Variants in SEC23B observed in about 807,000 individuals in gnomAD.
SEC23B encodes the protein protein transport protein Sec23B.
A neutral mutation model predicts 104.3 loss-of-function variants in SEC23B; 77 were observed. The observed-to-expected ratio is 0.74, with a 90% CI of 0.61 to 0.89. The LOEUF (loss-of-function observed/expected upper bound fraction) is 0.89. Among genes scored for constraint, SEC23B ranks in the 40% least tolerant of loss-of-function variants. The pLI is 0.00. For missense variants in SEC23B, 885 were observed against 949.4 expected (o/e 0.93, Z 0.89); for synonymous variants, 338 against 332.5 (o/e 1.02, Z -0.18).
At chr20:18,525,228 G>T (rs1278538948) in intron 6 of SEC23B, among the ~76,000 whole-genome samples, 19 of 152,130 alleles carry the variant, frequency 1.2e-4, no homozygotes, top group Admixed American at 1.2e-3. Flanking sequence ...CACATCTGAT[G>T]TCCTTTTTGA....
intron 4 of SEC23B, among the ~76,000 whole-genome samples, chr20:18,521,718 G>C (rs1187090810): frequency 6.6e-6 from 1 of 152,098 alleles, no homozygotes; most frequent in Non-Finnish European, 1.5e-5. Context: ...GGAGAGGTCA[G>C]ATGAGTCCGT....
chr20:18,508,168 G>C (rs1160037454), intron 1 of SEC23B, 196 bp downstream of exon 1: 2 of 152,220 alleles, frequency 1.3e-5, no homozygotes, highest in African/African-American at 4.8e-5. Context: ...CCGATTTCTG[G>C]CTCCAGTTTC....
At position 18,532,750 on chromosome 20, in the gene SEC23B, G is replaced by A; in HGVS notation, c.1314+6G>A. 1.2e-6 allele frequency: 2 copies of A among 1,605,836 alleles called. No individual in the cohort carries two copies. The highest frequency in any genetic ancestry group is 1.7e-6 in the Non-Finnish European group (2 of 1,172,316). On this transcript the variant is annotated splice_donor_region_variant and intron_variant, in intron 11 of 19. Transcript: ENST00000650089. ...GACCGTGTGTGTCAGAAAATGTAAG[G>A]AAAACAACTCCATCACCCTCACCTC...
chr20:18,559,580 C>A (rs1025783992), intron 19 of SEC23B, among the ~76,000 whole-genome samples: 1 of 152,132 alleles, frequency 6.6e-6, no homozygotes, highest in Non-Finnish European at 1.5e-5. Flanking sequence ...TTTTTCCTCT[C>A]ATTTTTGCCC....
At chr20:18,545,626 A>G (rs2060325007) in intron 14 of SEC23B, among the ~76,000 whole-genome samples, 1 of 152,188 alleles carries the variant, frequency 6.6e-6, no homozygotes, top group Non-Finnish European at 1.5e-5. Context: ...GTTAGTTTTC[A>G]TGGTGTTAGA....
chr20:18,521,213 CTAT>C (rs1568602704), intron 4 of SEC23B, among the ~76,000 whole-genome samples: 1 of 152,036 alleles, frequency 6.6e-6, no homozygotes, highest in Non-Finnish European at 1.5e-5. Context: ...TGCCTCTACT[CTAT>C]TATTGTACAC....
At chr20:18,549,407 A>G (rs1212044075) in intron 16 of SEC23B, among the ~76,000 whole-genome samples, 1 of 152,256 alleles carries the variant, frequency 6.6e-6, no homozygotes, top group Non-Finnish European at 1.5e-5. Flanking sequence ...GGTTTAGGGA[A>G]TAATGACAAG....
intron 1 of SEC23B, chr20:18,508,447 A>C (rs2059951005): frequency 6.6e-6 from 1 of 152,148 alleles, no homozygotes. Context: ...TCATTCATTC[A>C]CTAATTCATA....
chr20:18,523,466 G>A (rs1451315632), intron 4 of SEC23B, among the ~76,000 whole-genome samples: 5 of 138,734 alleles, frequency 3.6e-5, no homozygotes, highest in African/African-American at 5.3e-5. Flanking sequence ...GCAATGGCAC[G>A]ATCTCAGCTC....
intron 4 of SEC23B, among the ~76,000 whole-genome samples, chr20:18,522,854 G>A (rs945390611): frequency 4.6e-5 from 7 of 151,840 alleles, no homozygotes; most frequent in East Asian, 1.9e-4. Flanking sequence ...TCAGGAGATC[G>A]AAACCATCCT....
chr20:18,551,600 T>C (rs1600277103), intron 17 of SEC23B, among the ~76,000 whole-genome samples: 1 of 151,884 alleles, frequency 6.6e-6, no homozygotes, highest in South Asian at 2.1e-4. Context: ...TGTAGTCCCA[T>C]CTACTTGGGA....
rs140858912 is a variant in SEC23B at position 18,518,041 on chromosome 20, C to CA, written c.366+2306dup. On this transcript the variant is annotated intron_variant, in intron 4 of 19. Transcript: ENST00000650089. ...TTGGTGAGGTGTGTTTTTAAAAGAC[C>CA]ATTAGTTTGTCCTACCGTTCCTGAA... Among the ~76,000 whole-genome samples the CA allele has an allele frequency of 3.1e-3, 465 of 152,174 alleles. 3 individuals are homozygous for CA. The highest frequency in any genetic ancestry group is 0.011 in the African/African-American group (448 of 41,516).
intron 17 of SEC23B, among the ~76,000 whole-genome samples, chr20:18,552,589 G>A (rs1013925266): frequency 6.6e-6 from 1 of 152,250 alleles, no homozygotes; most frequent in South Asian, 2.1e-4. Context: ...CGAGGTGGGC[G>A]GATCATCTGA....
intron 2 of SEC23B, among the ~76,000 whole-genome samples, 176 bp downstream of exon 2, chr20:18,511,232 T>G (rs1217034257): frequency 6.6e-6 from 1 of 152,110 alleles, no homozygotes; most frequent in African/African-American, 2.4e-5. Flanking sequence ...TTTGTAGAAA[T>G]CTCCCTGGCC....
rs900250112 is a variant in SEC23B at position 18,535,679 on chromosome 20, G to A, written c.1341G>A (p.Gln447=). Residue 447 remains glutamine (Q), a synonymous_variant, in exon 12 of 20, where the codon CAG becomes CAA. Transcript: ENST00000650089. ...AGCTTGGTGTTGGTGGCACGAGTCA[G>A]TGGAAAATCTGTGGCCTAGATCCTA... ...ENELGVGGTS[Q]WKICGLDPTS... is the part of the protein sequence containing the mutation. 4 of 1,613,750 alleles carry A rather than the reference G, an allele frequency of 2.5e-6. No individual in the cohort carries two copies. The highest frequency in any genetic ancestry group is 1.6e-4 in the Middle Eastern group (1 of 6,062).
chr20:18,536,729 C>T (rs2060235188), intron 12 of SEC23B, among the ~76,000 whole-genome samples: 1 of 152,062 alleles, frequency 6.6e-6, no homozygotes, highest in South Asian at 2.1e-4. Flanking sequence ...TTTAACTCCC[C>T]CAAAACTTAA....
At chr20:18,517,199 A>G (rs910114538) in intron 4 of SEC23B, among the ~76,000 whole-genome samples, 7 of 152,228 alleles carry the variant, frequency 4.6e-5, no homozygotes, top group African/African-American at 1.7e-4. Context: ...ACCTGGGTGC[A>G]GGCAGGCTGA....
chr20:18,510,909 C>A lies in SEC23B; in HGVS notation c.74C>A (p.Pro25His), dbSNP rs6045440. The A allele has an allele frequency of 2.5e-4, 402 of 1,614,138 alleles. 7 individuals are homozygous for A. In the East Asian group the frequency reaches 3.1e-3, roughly 13 times the overall value. Reference sequence around the variant, plus strand: ...GTGCGTTTTAGTTGGAACGTGTGGCCTTCCAGCCGGCTGGAGGCTACAAGA... The same window carrying A: ...GTGCGTTTTAGTTGGAACGTGTGGCATTCCAGCCGGCTGGAGGCTACAAGA... Reference protein sequence around the residue: ...DGVRFSWNVWPSSRLEATRMV... With the variant: ...DGVRFSWNVWHSSRLEATRMV... The change falls in exon 2 of 20, where the codon CCT (proline) becomes CAT (histidine). Residue 25 changes from proline to histidine, a missense_variant. Transcript: ENST00000650089.
intron 12 of SEC23B, among the ~76,000 whole-genome samples, chr20:18,540,687 C>G (rs1021945337): frequency 1.3e-5 from 2 of 152,138 alleles, no homozygotes. Context: ...GAGGCCTCAT[C>G]TCTACCAAAA....
Sources: allele counts gnomAD v4.1 joint callset (sites outside exome capture counted in the v4.1 genomes callset), GRCh38; gene constraint gnomAD v4.1.1; transcripts MANE v1.5; gene names NCBI Gene and HGNC (gene_info 2026-07-23, HGNC 2026-07-21).